VWCE: variants seen among roughly 807,000 people sequenced by gnomAD.
The protein encoded by VWCE is von Willebrand factor C and EGF domains, also known as von Willebrand factor C and EGF domain-containing protein.
In VWCE, 68 loss-of-function variants were observed where a neutral mutation model predicts 102.9. The observed-to-expected ratio is 0.66, with a 90% CI of 0.54 to 0.81. VWCE has a LOEUF of 0.81. VWCE is among the 30% of genes least tolerant of loss of function. VWCE has a pLI of 0.00. For missense variants in VWCE, 1,137 were observed against 1,263.6 expected (o/e 0.90, Z 1.52); for synonymous variants, 497 against 515.4 (o/e 0.96, Z 0.48).
At chr11:61,265,094 G>T in intron 17 of VWCE, 28 bp downstream of exon 17, 1 of 1,613,374 alleles carries the variant, frequency 6.2e-7, no homozygotes, top group South Asian at 1.1e-5. Flanking sequence ...CCGGGAACCT[G>T]GCACGTGGGG....
chr11:61,278,493 G>A lies in VWCE; in HGVS notation c.1325-17C>T, dbSNP rs772628580. ...GAAAACAGCCTTTGAAGGACAAATA[G>A]GAGGTAGAGGCATCAGACCTCTTCA... is the stretch of plus-strand genomic sequence containing the variant. On this transcript the variant is annotated splice_polypyrimidine_tract_variant and intron_variant, in intron 9 of 19. Coordinates refer to ENST00000335613, the MANE Select transcript of VWCE (RefSeq NM_152718.2). The A allele has an allele frequency of 1.9e-6, 3 of 1,613,310 alleles. No individual in the cohort carries two copies. The South Asian group carries it at 3.3e-5, about 18-fold the overall frequency.
At chr11:61,262,807 T>C (rs1854398401) in intron 19 of VWCE, among the ~76,000 whole-genome samples, 1 of 152,194 alleles carries the variant, frequency 6.6e-6, no homozygotes, top group Non-Finnish European at 1.5e-5. Context: ...CCTAGAAGTT[T>C]AAAAAACATA....
intron 15 of VWCE, 27 bp from the exon 16 acceptor site, chr11:61,267,571 C>G: frequency 6.2e-7 from 1 of 1,612,354 alleles, no homozygotes; most frequent in Non-Finnish European, 8.5e-7. Flanking sequence ...GCGCTGAGCA[C>G]CAGCTGGGAG....
At position 61,295,029 on chromosome 11, in the gene VWCE, G is replaced by A. The variant is rs1855631884; in HGVS notation, c.9C>T (p.Ala3=). 1.4e-6 allele frequency: 2 copies of A among 1,406,426 alleles called. No homozygotes were observed. The highest frequency in any genetic ancestry group is 1.9e-6 in the Non-Finnish European group (2 of 1,076,660). 87.1% of individuals were successfully genotyped at this position (1,406,426 alleles called of 1,614,324 possible). MW[A]GLLLRAACVA... Reference sequence around the variant, plus strand: ...CACAGGCGGCCCGAAGGAGCAGTCCGGCCCACATGACCGGCGGCGGCGGGT... The same window carrying A: ...CACAGGCGGCCCGAAGGAGCAGTCCAGCCCACATGACCGGCGGCGGCGGGT... Residue 3 remains alanine, a synonymous_variant, in exon 1 of 20, where the codon GCC becomes GCT. Coordinates refer to ENST00000335613, the MANE Select transcript of VWCE (RefSeq NM_152718.2). The surrounding 1 kb of genome is among the most constrained non-coding windows in gnomAD (Gnocchi z 4.6).
intron 14 of VWCE, chr11:61,271,438 C>A (rs1416007514): frequency 4.7e-6 from 2 of 421,114 alleles, no homozygotes; most frequent in East Asian, 9.4e-5. Flanking sequence ...AGCCACCGCA[C>A]CTGGCCAACA....
chr11:61,280,300 C>T (rs1362149847), intron 9 of VWCE, among the ~76,000 whole-genome samples: 3 of 152,082 alleles, frequency 2.0e-5, no homozygotes, highest in Non-Finnish European at 2.9e-5. Flanking sequence ...TGAAAATGAG[C>T]GAATGAAGCT....
At chr11:61,280,186 G>T (rs982911365) in intron 9 of VWCE, among the ~76,000 whole-genome samples, 4 of 152,088 alleles carry the variant, frequency 2.6e-5, no homozygotes, top group African/African-American at 9.7e-5. Context: ...CAAAAAGGGG[G>T]CAGAATTTAG....
intron 19 of VWCE, among the ~76,000 whole-genome samples, chr11:61,261,796 C>A (rs144635089): frequency 0.011 from 1,661 of 148,314 alleles, 37 homozygotes; most frequent in African/African-American, 0.039. Flanking sequence ...CAGAGTGAGA[C>A]CCTGTCTCAA....
In VWCE at chr11:61,258,817, G is replaced by A. The variant is rs370308032; in HGVS notation, c.2726C>T (p.Ser909Leu). 2.9e-5 allele frequency: 44 copies of A among 1,504,960 alleles called. No homozygotes were observed. The East Asian group carries it at 6.7e-4, about 23-fold the overall frequency. The allele number at this position is 1,504,960 out of a possible 1,614,324, so 93.2% of individuals were successfully genotyped here. A position where few individuals can be genotyped will look rare whatever the true frequency, so the allele number is the denominator to read the frequency against. ...CCCGAGGAGGGTGATGGGGGTCTTCGAGGGGCTGGGGTCCATCATGGAAAG... is the reference window on the plus strand; with the variant it reads ...CCCGAGGAGGGTGATGGGGGTCTTCAAGGGGCTGGGGTCCATCATGGAAAG... ...SALSMMDPSPSKTPITLLGPR... is the reference protein window; with the variant it reads ...SALSMMDPSPLKTPITLLGPR... Residue 909 changes from serine (S) to leucine (L), a missense_variant, in exon 20 of 20, where the codon TCG becomes TTG. Physicochemically the swap from Ser to Leu is moderately radical, Grantham distance 145. Transcript: ENST00000335613.
At position 61,264,690 on chromosome 11, in the gene VWCE, C is replaced by G. The variant is rs370238531; in HGVS notation, c.2140-113G>C. 7.0e-4 allele frequency: 826 copies of G among 1,185,440 alleles called. 6 individuals are homozygous for G. The highest frequency in any genetic ancestry group is 6.2e-3 in the South Asian group (443 of 71,970). The allele number at this position is 1,185,440 out of a possible 1,614,324, so 73.4% of individuals were successfully genotyped here. A position where few individuals can be genotyped will look rare whatever the true frequency, so the allele number is the denominator to read the frequency against. ...CAGGACCCACGGAAAGATCCCAGGA[C>G]AGAGGCTGCAGTGCCTGAGCCCTCG... On this transcript the variant is annotated intron_variant, in intron 18 of 19. Coordinates refer to ENST00000335613, the MANE Select transcript of VWCE (RefSeq NM_152718.2).
Position 61,271,762 on chromosome 11 carries a change from T to G in VWCE, c.1700-2A>C. On this transcript the variant is annotated splice_acceptor_variant, in intron 13 of 19. Transcript: ENST00000335613. LOFTEE classifies it high-confidence loss of function. ...CCCCGTTGTCGTCAAGAGAGCAGCC[T>G]GGATGAGGACAATGGCAGAGAAAAG... 4 of 1,612,938 alleles carry G rather than the reference T, an allele frequency of 2.5e-6. No individual in the cohort carries two copies. The highest frequency in any genetic ancestry group is 2.5e-6 in the Non-Finnish European group (3 of 1,179,480).
chr11:61,280,632 G>A lies in VWCE; in HGVS notation c.1316C>T (p.Ser439Leu), dbSNP rs145815596. The A allele has an allele frequency of 3.1e-6, 5 of 1,614,086 alleles. No individual in the cohort carries two copies. Among genetic ancestry groups the A allele is most frequent in the Admixed American group, 3.3e-5 (2 of 60,012 alleles). ...CTGGCACCAGCTCTCACCTGTGCAC[G>A]ATGGGCAGCACCCACCATCTCTGGA... is the stretch of plus-strand genomic sequence containing the variant. ...IPSRDGGCCP[S>L]CTGCFHSGVV... is the part of the protein sequence containing the mutation. The change falls in exon 9 of 20, where the codon TCG becomes TTG. Residue 439 changes from serine to leucine, a missense_variant. Physicochemically the swap from Ser to Leu is moderately radical, Grantham distance 145 (BLOSUM62 -2). Transcript: ENST00000335613.
In VWCE at chr11:61,294,818, G is replaced by T; in HGVS notation, c.110+110C>A. On this transcript the variant is annotated intron_variant, in intron 1 of 19. Coordinates refer to ENST00000335613, the MANE Select transcript of VWCE (RefSeq NM_152718.2). The surrounding 1 kb of genome is among the most constrained non-coding windows in gnomAD (Gnocchi z 6.3). The stretch of plus-strand genomic sequence containing the variant: ...CCGCGCTGATAGCACCCCAGAGGAA[G>T]CCCCGACACGCGGCTGCCTGCGGCT... The T allele has an allele frequency of 1.5e-6, 1 of 670,548 alleles. No homozygotes were observed. Among genetic ancestry groups the T allele is most frequent in the Non-Finnish European group, 2.2e-6 (1 of 456,854 alleles). 41.5% of individuals were successfully genotyped at this position (670,548 alleles called of 1,614,324 possible).
Position 61,265,058 on chromosome 11 carries a change from A to G in VWCE, c.2057-20T>C. 1 of 1,614,098 alleles carries G rather than the reference A, an allele frequency of 6.2e-7. No homozygotes were observed. Among genetic ancestry groups the G allele is most frequent in the Non-Finnish European group, 8.5e-7 (1 of 1,180,012 alleles). Reference sequence around the variant, plus strand: ...TGCAGTCTGTGGAGGAAGGGGAGACAGGAGCCCATGAGAGCCGAGGCCTGG... The same window carrying G: ...TGCAGTCTGTGGAGGAAGGGGAGACGGGAGCCCATGAGAGCCGAGGCCTGG... On this transcript the variant is annotated intron_variant, in intron 17 of 19. Transcript: ENST00000335613.
chr11:61,282,251 GAA>G (rs1234590963), intron 6 of VWCE, among the ~76,000 whole-genome samples: 1 of 152,052 alleles, frequency 6.6e-6, no homozygotes, highest in Non-Finnish European at 1.5e-5. Flanking sequence ...TTTTCTTTCC[GAA>G]AAAAGTCTCA....
At chr11:61,264,422 C>T in intron 19 of VWCE, 65 bp downstream of exon 19, 1 of 1,484,854 alleles carries the variant, frequency 6.7e-7, no homozygotes, top group East Asian at 2.4e-5. Flanking sequence ...GTTCTATGTA[C>T]CGGGGAAGAA....
chr11:61,259,007 G>C lies in VWCE; in HGVS notation c.2536C>G (p.Pro846Ala), dbSNP rs1854273221. The C allele has an allele frequency of 6.2e-7, 1 of 1,613,482 alleles. No homozygotes were observed. Among genetic ancestry groups the C allele is most frequent in the Admixed American group, 1.7e-5 (1 of 59,960 alleles). Reference protein sequence around the residue: ...GEPGASPRLSPGPSTPPGAPT... With the variant: ...GEPGASPRLSAGPSTPPGAPT... The stretch of plus-strand genomic sequence containing the variant: ...GCTCCTGGAGGGGTCGAAGGCCCTG[G>C]TGAGAGTCGAGGGGAGGCCCCAGGC... Residue 846 changes from proline to alanine, a missense_variant, in exon 20 of 20, where the codon CCA becomes GCA. Pro to Ala is a conservative substitution (Grantham distance 27). Around this residue, in one of 5 missense-constraint regions of VWCE, gnomAD observed 316 missense variants for 319.3 expected, o/e 0.99. Coordinates refer to ENST00000335613, the MANE Select transcript of VWCE (RefSeq NM_152718.2).
chr11:61,268,110 TTA>T (rs533602374), intron 15 of VWCE, among the ~76,000 whole-genome samples: 79 of 150,066 alleles, frequency 5.3e-4, no homozygotes, highest in Admixed American at 1.1e-3. Context: ...ATATGTATGT[TTA>T]TATATATATT....
rs1436495403 is a variant in VWCE, at chr11:61,294,913, G to C, written c.110+15C>G. On this transcript the variant is annotated intron_variant, in intron 1 of 19. Coordinates refer to ENST00000335613, the MANE Select transcript of VWCE (RefSeq NM_152718.2). This position sits in a 1 kb window ranked among gnomAD's most constrained non-coding sequence, Gnocchi z 6.3. ...CTCCCGGGCGGGGGAGCGGGGAGGA[G>C]CTCCGGGCGCTTACCTCTCGGCCGC... The C allele has an allele frequency of 2.0e-5, 28 of 1,388,524 alleles. No homozygotes were observed. The South Asian group carries it at 4.1e-4, about 20-fold the overall frequency. The allele number at this position is 1,388,524 out of a possible 1,614,324, so 86.0% of individuals were successfully genotyped here. A position where few individuals can be genotyped will look rare whatever the true frequency, so the allele number is the denominator to read the frequency against.
Sources: allele counts gnomAD v4.1 joint callset (sites outside exome capture counted in the v4.1 genomes callset), GRCh38; gene constraint gnomAD v4.1.1; regional missense constraint gnomAD v4.1.1; non-coding constraint Gnocchi (gnomAD v3.1); transcripts MANE v1.5; gene names NCBI Gene and HGNC (gene_info 2026-07-23, HGNC 2026-07-21).